GSK3A: variants seen among roughly 807,000 people sequenced by gnomAD.
GSK3A encodes the protein glycogen synthase kinase-3 alpha.
Under a neutral mutation model 56.6 loss-of-function variants are expected in GSK3A, and 14 were observed. That is an observed-to-expected ratio of 0.25 (90% CI 0.16 to 0.39). GSK3A has a LOEUF of 0.39. Among genes scored for constraint, GSK3A ranks in the 10% least tolerant of loss-of-function variants. The probability of loss-of-function intolerance (pLI) is 1.00; values close to 1 mark genes in which losing one functional copy is unlikely to be tolerated. For missense variants in GSK3A, 450 were observed against 656.0 expected, an observed-to-expected ratio of 0.69 and a Z score of 3.43; for synonymous variants, 301 against 285.0, an observed-to-expected ratio of 1.06 and a Z score of -0.56.
rs1375291873 is a variant in GSK3A, at chr19:42,232,650, G to A, written c.1131C>T (p.Ile377=). The part of the protein sequence containing the change: ...VFKSRTPPEA[I]ALCSSLLEYT... The stretch of plus-strand genomic sequence containing the variant: ...ACTCCAGCAGGCTAGAGCAGAGCGC[G>A]ATGGCCTCTGGCGGCGTTCGAGATT... Residue 377 remains isoleucine (I), a synonymous_variant, in exon 9 of 11, where the codon ATC becomes ATT. Transcript: ENST00000222330. 44 of 1,599,858 alleles carry A rather than the reference G, an allele frequency of 2.8e-5. No homozygotes were observed. The highest frequency in any genetic ancestry group is 4.0e-5 in the African/African-American group (3 of 74,588).
chr19:42,239,991 G>A lies in GSK3A; in HGVS notation c.435C>T (p.Val145=), dbSNP rs778393052. The A allele has an allele frequency of 1.5e-5, 25 of 1,613,952 alleles. No homozygotes were observed. The highest frequency in any genetic ancestry group is 8.0e-5 in the African/African-American group (6 of 74,870). ...QARLAETREL[V]AIKKVLQDKR... is the part of the protein sequence containing the mutation. ...TGTCCTGGAGAACCTTCTTGATGGC[G>A]ACTAGTTCCCTGGTCTCTGCCAGCC... Residue 145 remains valine (V), a synonymous_variant, in exon 2 of 11, where the codon GTC becomes GTT. Transcript: ENST00000222330.
At chr19:42,235,463 T>C (rs2075088) in intron 4 of GSK3A, among the ~76,000 whole-genome samples, 51,385 of 151,690 alleles carry the variant, frequency 0.34, 9,537 homozygotes, top group East Asian at 0.8. Flanking sequence ...AGAAGTACCG[T>C]GAGAGCAGGA....
Position 42,242,433 on chromosome 19 carries a change from A to G in GSK3A, c.33T>C (p.Pro11=). MSGGGPSGGG[P]GGSGRARTSS... is the part of the protein sequence containing the mutation. ...TAGTCCGCGCCCTGCCCGAGCCCCC[A>G]GGGCCGCCTCCCGAAGGCCCGCCGC... Residue 11 remains proline, a synonymous_variant, in exon 1 of 11, where the codon CCT becomes CCC. Transcript: ENST00000222330. 1.5e-6 allele frequency: 2 copies of G among 1,296,672 alleles called. No individual in the cohort carries two copies. The highest frequency in any genetic ancestry group is 2.1e-5 in the South Asian group (1 of 46,962). The allele number at this position is 1,296,672 out of a possible 1,614,324, so 80.3% of individuals were successfully genotyped here. A position where few individuals can be genotyped will look rare whatever the true frequency, so the allele number is the denominator to read the frequency against.
chr19:42,235,945 C>T (rs777263086), intron 4 of GSK3A, among the ~76,000 whole-genome samples: 10 of 152,192 alleles, frequency 6.6e-5, no homozygotes, highest in Non-Finnish European at 1.2e-4. Flanking sequence ...GTGCTTGGTA[C>T]GTAAAGCCAG....
At chr19:42,231,773 C>CAAAA (rs771063456) in intron 10 of GSK3A, among the ~76,000 whole-genome samples, 1 of 84,468 alleles carries the variant, frequency 1.2e-5, no homozygotes, top group Non-Finnish European at 2.5e-5. Flanking sequence ...CTCTATTGCA[C>CAAAA]AAAAAAAAAA....
chr19:42,242,120 T>C (rs1482391293), intron 1 of GSK3A, 63 bp downstream of exon 1: 4 of 1,258,234 alleles, frequency 3.2e-6, no homozygotes, highest in African/African-American at 1.6e-5. Context: ...AAGAATCTGA[T>C]GGATGTCTGA....
In GSK3A at chr19:42,233,021, T is replaced by C. The variant is rs1044470687; in HGVS notation, c.1098+89A>G. 1.2e-5 allele frequency: 10 copies of C among 815,278 alleles called. No homozygotes were observed. In the African/African-American group the frequency reaches 1.6e-4, roughly 13 times the overall value. The allele number at this position is 815,278 out of a possible 1,614,324, so 50.5% of individuals were successfully genotyped here. On this transcript the variant is annotated intron_variant, in intron 8 of 10. Transcript: ENST00000222330. ...TAACTCTTCAAATCCTCCCAAGCCG[T>C]GATTCTGAGGCTAGGTCCACAGAAC... is the stretch of plus-strand genomic sequence containing the variant.
In GSK3A at chr19:42,240,362, G is replaced by A. The variant is rs1359137922; in HGVS notation, c.284-220C>T. On this transcript the variant is annotated intron_variant, in intron 1 of 10. Transcript: ENST00000222330. Reference sequence around the variant, plus strand: ...AGTCCTGCTCCCCTCCACATAGGAGGATATTGATACCTAAATCTCTCTGCT... The same window carrying A: ...AGTCCTGCTCCCCTCCACATAGGAGAATATTGATACCTAAATCTCTCTGCT... The A allele has an allele frequency of 2.9e-5, 17 of 595,384 alleles. No individual in the cohort carries two copies. The East Asian group carries it at 3.3e-4, about 12-fold the overall frequency. The allele number at this position is 595,384 out of a possible 1,614,324, so 36.9% of individuals were successfully genotyped here.
chr19:42,242,005 C>A (rs976850854), intron 1 of GSK3A, 178 bp downstream of exon 1: 49 of 449,740 alleles, frequency 1.1e-4, no homozygotes, highest in East Asian at 1.0e-3. Context: ...TAATTCTGAT[C>A]TCCAAGAGAT....
chr19:42,239,490 G>A (rs1270169201), intron 2 of GSK3A, among the ~76,000 whole-genome samples: 3 of 152,128 alleles, frequency 2.0e-5, no homozygotes, highest in South Asian at 2.1e-4. Context: ...TGGGAAGAGC[G>A]CGACCTTCAG....
chr19:42,237,830 G>A (rs2036267162), intron 2 of GSK3A, among the ~76,000 whole-genome samples: 2 of 151,692 alleles, frequency 1.3e-5, no homozygotes, highest in African/African-American at 4.8e-5. Flanking sequence ...AGTGAGCTGA[G>A]ATCGCGCCAC....
intron 2 of GSK3A, among the ~76,000 whole-genome samples, chr19:42,237,828 G>A (rs1363537709): frequency 1.3e-5 from 2 of 151,722 alleles, no homozygotes; most frequent in African/African-American, 4.8e-5. Flanking sequence ...GCAGTGAGCT[G>A]AGATCGCGCC....
rs747597403 is a variant in GSK3A, at chr19:42,234,342, A to G, written c.904+11T>C. On this transcript the variant is annotated intron_variant, in intron 6 of 10. Transcript: ENST00000222330. This position sits in a 1 kb window ranked among gnomAD's most constrained non-coding sequence, Gnocchi z 5.7. ...TTGCCACTCCCCCCGCCACCCTCCC[A>G]TAACTCTGACCGATGGATGAGGTGT... 22 of 1,607,198 alleles carry G rather than the reference A, an allele frequency of 1.4e-5. No individual in the cohort carries two copies. Among genetic ancestry groups the G allele is most frequent in the South Asian group, 4.4e-5 (4 of 90,942 alleles).
At position 42,242,539 on chromosome 19, in the gene GSK3A, T is replaced by TC. The variant is rs1400738631; in HGVS notation, c.-75dup. ...CCCAGCCGCCGCCGCTGCCGCCGCC[T>TC]CCCCCGGGCCCTGGCCTCTTCCAGG... On this transcript the variant is annotated 5_prime_UTR_variant, in exon 1 of 11. Transcript: ENST00000222330. 49 of 971,250 alleles carry TC rather than the reference T, an allele frequency of 5.0e-5. No individual in the cohort carries two copies. The highest frequency in any genetic ancestry group is 6.0e-5 in the Non-Finnish European group (49 of 810,016). 60.2% of individuals were successfully genotyped at this position (971,250 alleles called of 1,614,324 possible).
In GSK3A at chr19:42,239,928, T is replaced by G. The variant is rs186386874; in HGVS notation, c.471+27A>C. 8 of 1,603,548 alleles carry G rather than the reference T, an allele frequency of 5.0e-6. No homozygotes were observed. The East Asian group carries it at 1.6e-4, about 31-fold the overall frequency. ...ACCAGTCACACCCAGTCCCCAAACC[T>G]CCCTGTCCCCATCCCGCCCAAGCTA... On this transcript the variant is annotated intron_variant, in intron 2 of 10. Coordinates refer to ENST00000222330, the MANE Select transcript of GSK3A (RefSeq NM_019884.3).
intron 4 of GSK3A, among the ~76,000 whole-genome samples, chr19:42,236,032 C>G (rs2036254858): frequency 6.6e-6 from 1 of 152,222 alleles, no homozygotes; most frequent in African/African-American, 2.4e-5. Flanking sequence ...TAGGCTGCTC[C>G]AGCCTGTTCG....
At position 42,233,266 on chromosome 19, in the gene GSK3A, A is replaced by G; in HGVS notation, c.1002+20T>C. ...CATCCCTCAGCCCCACCCCCTGCCCAGCCCAGCCCCGCCCCTCACCTTGAT... is the reference window on the plus strand; with the variant it reads ...CATCCCTCAGCCCCACCCCCTGCCCGGCCCAGCCCCGCCCCTCACCTTGAT... On this transcript the variant is annotated intron_variant, in intron 7 of 10. Transcript: ENST00000222330. 47 of 372,938 alleles carry G rather than the reference A, an allele frequency of 1.3e-4. No individual in the cohort carries two copies. The highest frequency in any genetic ancestry group is 5.9e-4 in the Middle Eastern group (1 of 1,700). 23.1% of individuals were successfully genotyped at this position (372,938 alleles called of 1,614,324 possible).
At position 42,242,298 on chromosome 19, in the gene GSK3A, C is replaced by T. The variant is rs1322502216; in HGVS notation, c.168G>A (p.Met56Ile). The T allele has an allele frequency of 2.1e-6, 3 of 1,445,236 alleles. No individual in the cohort carries two copies. Among genetic ancestry groups the T allele is most frequent in the East Asian group, 6.1e-5 (2 of 33,018 alleles). The allele number at this position is 1,445,236 out of a possible 1,614,324, so 89.5% of individuals were successfully genotyped here. A position where few individuals can be genotyped will look rare whatever the true frequency, so the allele number is the denominator to read the frequency against. Residue 56 changes from methionine to isoleucine, a missense_variant, in exon 1 of 11, where the codon ATG (methionine) becomes ATA (isoleucine). Physicochemically the swap from Met to Ile is conservative, Grantham distance 10. This residue lies in a region of GSK3A where 193 missense variants were observed against 200.5 expected (regional missense o/e 0.96). Transcript: ENST00000222330. ...AGCTCGAGGCCCCGACGCCCCCACC[C>T]ATGGCCCCGACAGATGCCTTTCCGC... ...TGGGKASVGA[M>I]GGGVGASSSG...
chr19:42,232,303 A>G (rs1311559911), intron 9 of GSK3A, among the ~76,000 whole-genome samples, 154 bp from the exon 10 acceptor site: 6 of 152,204 alleles, frequency 3.9e-5, no homozygotes, highest in African/African-American at 1.4e-4. Context: ...GCTTAGCACA[A>G]GGCAGATCAC....
Sources: gnomAD v4.1 joint callset for allele counts (sites outside exome capture counted in the v4.1 genomes callset) on GRCh38, gnomAD v4.1.1 for gene constraint, gnomAD v4.1.1 regional missense constraint, Gnocchi (gnomAD v3.1) non-coding constraint, MANE v1.5 for transcripts, NCBI Gene and HGNC (gene_info 2026-07-23, HGNC 2026-07-21) for gene names.